The following UNC5A variants were observed in gnomAD, a reference collection of about 807,000 sequenced individuals.
UNC5A encodes the protein unc-5 netrin receptor A.
UNC5A carries 20 observed loss-of-function variants against 87.4 expected under a neutral mutation model. The ratio of observed to expected loss-of-function variants is 0.23; its 90% confidence interval spans 0.16 to 0.33. The LOEUF (loss-of-function observed/expected upper bound fraction) is 0.33. Among genes scored for constraint, UNC5A ranks in the 10% least tolerant of loss-of-function variants. The pLI is 1.00. For synonymous variants in UNC5A, 438 were observed against 482.3 expected (o/e 0.91, Z 1.20); for missense variants, 844 against 1,133.4 (o/e 0.74, Z 3.67).
intron 1 of UNC5A, among the ~76,000 whole-genome samples, chr5:176,831,885 C>CTTTTTTTTTT (rs10580672): frequency 1.1e-4 from 3 of 27,694 alleles, no homozygotes; most frequent in Non-Finnish European, 1.7e-4. Context: ...TTCTCTCTCT[C>CTTTTTTTTTT]TTTTTTTTTT....
chr5:176,849,430 CA>C (rs1157237487), intron 1 of UNC5A, among the ~76,000 whole-genome samples: 1 of 152,144 alleles, frequency 6.6e-6, no homozygotes, highest in African/African-American at 2.4e-5. Context: ...ACTAAAAATA[CA>C]AAAATTACCT....
intron 1 of UNC5A, among the ~76,000 whole-genome samples, chr5:176,813,113 A>T (rs989305327): frequency 2.6e-5 from 4 of 152,122 alleles, no homozygotes; most frequent in African/African-American, 9.7e-5. Flanking sequence ...GCATGCTCGC[A>T]CCTGCAGGCC....
At chr5:176,853,386 A>G (rs1395054745) in intron 1 of UNC5A, among the ~76,000 whole-genome samples, 1 of 152,160 alleles carries the variant, frequency 6.6e-6, no homozygotes, top group Admixed American at 6.5e-5. Context: ...CAGAGTAGTC[A>G]TCCTCTGAGA....
At chr5:176,864,902 C>T (rs1757934351) in intron 2 of UNC5A, 1 of 450,012 alleles carries the variant, frequency 2.2e-6, no homozygotes, top group Non-Finnish European at 4.5e-6. Context: ...CTCCCGGCCC[C>T]AGCGGAGGTG....
chr5:176,840,779 T>C (rs1757256852), intron 1 of UNC5A, among the ~76,000 whole-genome samples: 1 of 152,196 alleles, frequency 6.6e-6, no homozygotes, highest in Non-Finnish European at 1.5e-5. Flanking sequence ...CATTCTGCAG[T>C]GGGACAAACG....
chr5:176,826,974 A>G (rs1756870877), intron 1 of UNC5A, among the ~76,000 whole-genome samples: 1 of 151,876 alleles, frequency 6.6e-6, no homozygotes, highest in African/African-American at 2.4e-5. Context: ...GACCCCATTA[A>G]GCAGTCACTC....
chr5:176,812,877 C>T (rs1330380544), intron 1 of UNC5A, among the ~76,000 whole-genome samples: 3 of 152,162 alleles, frequency 2.0e-5, no homozygotes, highest in South Asian at 2.1e-4. Flanking sequence ...CACATGTGGA[C>T]GCCCAGGCAG....
intron 2 of UNC5A, among the ~76,000 whole-genome samples, chr5:176,863,501 C>A (rs538490653): frequency 6.6e-6 from 1 of 152,196 alleles, no homozygotes; most frequent in East Asian, 1.9e-4. Context: ...CAGAGGGGGC[C>A]AGCCAGACTC....
chr5:176,825,532 T>C (rs1195859207), intron 1 of UNC5A, among the ~76,000 whole-genome samples: 1 of 152,122 alleles, frequency 6.6e-6, no homozygotes, highest in Non-Finnish European at 1.5e-5. Context: ...CTGCAGAGCA[T>C]GGAAGGATAC....
intron 1 of UNC5A, among the ~76,000 whole-genome samples, chr5:176,823,865 G>A (rs1295456503): frequency 1.3e-5 from 2 of 152,194 alleles, no homozygotes; most frequent in African/African-American, 4.8e-5. Context: ...CCATCTCGAG[G>A]GGGTTGGTAG....
chr5:176,867,895 C>A (rs971361653), intron 2 of UNC5A, among the ~76,000 whole-genome samples: 4 of 152,096 alleles, frequency 2.6e-5, no homozygotes, highest in African/African-American at 9.7e-5. Context: ...GTCTACCCTG[C>A]CTGCCCGGGG....
intron 1 of UNC5A, among the ~76,000 whole-genome samples, chr5:176,837,880 G>C (rs1385897194): frequency 2.6e-5 from 4 of 152,080 alleles, no homozygotes; most frequent in Non-Finnish European, 4.4e-5. Context: ...GTCCCTCTGC[G>C]GACTCGGCTT....
intron 1 of UNC5A, among the ~76,000 whole-genome samples, chr5:176,834,457 A>G (rs1240381358): frequency 6.6e-6 from 1 of 152,190 alleles, no homozygotes; most frequent in Non-Finnish European, 1.5e-5. Context: ...AGAGTTTTCT[A>G]TGGAGCATTC....
chr5:176,870,083 G>A (rs969346838), intron 5 of UNC5A, among the ~76,000 whole-genome samples: 14 of 152,302 alleles, frequency 9.2e-5, no homozygotes, highest in African/African-American at 2.2e-4. Flanking sequence ...AAGGGTCAAC[G>A]TGTGACGAGA....
At chr5:176,817,888 C>T (rs969500261) in intron 1 of UNC5A, among the ~76,000 whole-genome samples, 2 of 151,888 alleles carry the variant, frequency 1.3e-5, no homozygotes, top group African/African-American at 4.8e-5. Flanking sequence ...GTAATTAACG[C>T]GCTGCAAACT....
intron 1 of UNC5A, among the ~76,000 whole-genome samples, chr5:176,852,023 C>T (rs138192266): frequency 0.025 from 3,772 of 152,316 alleles, 82 homozygotes; most frequent in Non-Finnish European, 0.04. Flanking sequence ...AAGGACCCTA[C>T]CCACCTGCCT....
chr5:176,834,451 T>A (rs1473967252), intron 1 of UNC5A, among the ~76,000 whole-genome samples: 1 of 151,888 alleles, frequency 6.6e-6, no homozygotes, highest in African/African-American at 2.4e-5. Flanking sequence ...ATTTAAAGAG[T>A]TTTCTATGGA....
At chr5:176,852,744 G>T (rs548797481) in intron 1 of UNC5A, among the ~76,000 whole-genome samples, 1 of 152,334 alleles carries the variant, frequency 6.6e-6, no homozygotes, top group African/African-American at 2.4e-5. Context: ...TTCCCTTTGC[G>T]GTGGGTTCAG....
chr5:176,840,620 C>T (rs1757253069), intron 1 of UNC5A, among the ~76,000 whole-genome samples: 2 of 152,168 alleles, frequency 1.3e-5, no homozygotes, highest in African/African-American at 4.8e-5. Flanking sequence ...GGCCGGGGAC[C>T]CTCCCTCTGC....
Sources: allele counts gnomAD v4.1 joint callset (sites outside exome capture counted in the v4.1 genomes callset), GRCh38; gene constraint gnomAD v4.1.1; transcripts MANE v1.5; gene names NCBI Gene and HGNC (gene_info 2026-07-23, HGNC 2026-07-21).